GALNT13: variants seen among roughly 807,000 people sequenced by gnomAD.
GALNT13 encodes UDP-GalNAc:polypeptide N-acetylgalactosaminyltransferase 13.
Under a neutral mutation model 64.2 loss-of-function variants are expected in GALNT13, and 28 were observed. That is an observed-to-expected ratio of 0.44 (90% CI 0.32 to 0.60). GALNT13 has a LOEUF of 0.60. GALNT13 is among the 20% of genes least tolerant of loss of function. The pLI, the probability that GALNT13 is intolerant of heterozygous loss-of-function variation, is 0.05. For missense variants in GALNT13, 577 were observed against 669.8 expected (o/e 0.86, Z 1.53); for synonymous variants, 214 against 224.6 (o/e 0.95, Z 0.42).
intron 4 of GALNT13, among the ~76,000 whole-genome samples, chr2:154,165,213 G>A (rs1486077440): frequency 6.6e-6 from 1 of 152,084 alleles, no homozygotes; most frequent in Non-Finnish European, 1.5e-5. Flanking sequence ...TCTAACAGGG[G>A]TCAATTAGAA....
At chr2:154,287,221 G>C in intron 8 of GALNT13, 1 of 1,257,158 alleles carries the variant, frequency 8.0e-7, no homozygotes, top group Non-Finnish European at 1.1e-6. Flanking sequence ...AAAAGGCTGA[G>C]CATCAGAAGA....
At chr2:153,209,630 T>A in the GALNT13 span, among the ~76,000 whole-genome samples, 1 of 152,178 alleles carries the variant, frequency 6.6e-6, no homozygotes, top group Non-Finnish European at 1.5e-5. Context: ...TTATTAAAAA[T>A]TATTTTATGT....
At chr2:154,398,065 C>T (rs1699137470) in intron 10 of GALNT13, among the ~76,000 whole-genome samples, 1 of 152,160 alleles carries the variant, frequency 6.6e-6, no homozygotes, top group African/African-American at 2.4e-5. Context: ...TTAGTTATTA[C>T]AAATCACTGA....
the GALNT13 span, among the ~76,000 whole-genome samples, chr2:153,502,358 G>A: frequency 6.1e-3 from 934 of 152,286 alleles, 10 homozygotes; most frequent in African/African-American, 0.021. Context: ...CCATTCACAA[G>A]TTACTTCACT....
the GALNT13 span, among the ~76,000 whole-genome samples, chr2:153,131,264 G>A: frequency 2.6e-5 from 4 of 152,158 alleles, no homozygotes; most frequent in East Asian, 7.7e-4. Context: ...AGTACCCTTT[G>A]GACAAGATAC....
At chr2:153,399,832 A>G in the GALNT13 span, among the ~76,000 whole-genome samples, 11 of 151,896 alleles carry the variant, frequency 7.2e-5, no homozygotes, top group South Asian at 2.1e-4. Flanking sequence ...GGGCTGAGAC[A>G]ATGGGGTTTT....
At chr2:153,793,428 G>A in the GALNT13 span, among the ~76,000 whole-genome samples, 5 of 152,008 alleles carry the variant, frequency 3.3e-5, no homozygotes, top group African/African-American at 7.2e-5. Context: ...TTTAAAATCT[G>A]AGCACAATAT....
chr2:154,301,212 A>T (rs10490531), intron 8 of GALNT13, among the ~76,000 whole-genome samples, 197 bp from the exon 9 acceptor site: 1 of 152,152 alleles, frequency 6.6e-6, no homozygotes, highest in Non-Finnish European at 1.5e-5. Context: ...CATAATTCCA[A>T]TGCTACAAGT....
At chr2:153,124,512 G>C in the GALNT13 span, among the ~76,000 whole-genome samples, 1 of 152,112 alleles carries the variant, frequency 6.6e-6, no homozygotes, top group Non-Finnish European at 1.5e-5. Flanking sequence ...TTGTTTGTTT[G>C]TTTGTTTGTT....
At chr2:153,208,965 G>A in the GALNT13 span, among the ~76,000 whole-genome samples, 1 of 84,526 alleles carries the variant, frequency 1.2e-5, no homozygotes, top group South Asian at 3.3e-4. Context: ...ATGCATTTTG[G>A]TTTTGGTCTT....
At chr2:154,356,836 T>A (rs908885700) in intron 9 of GALNT13, among the ~76,000 whole-genome samples, 5 of 152,024 alleles carry the variant, frequency 3.3e-5, no homozygotes, top group Non-Finnish European at 5.9e-5. Flanking sequence ...AAATAAATAC[T>A]TTGCTGTTAG....
intron 3 of GALNT13, among the ~76,000 whole-genome samples, chr2:154,012,049 G>A (rs1429126331): frequency 1.3e-5 from 2 of 152,016 alleles, no homozygotes; most frequent in African/African-American, 4.8e-5. Flanking sequence ...TTTAATTGGG[G>A]CATTTACCCA....
chr2:154,113,549 C>T (rs1703106684), intron 3 of GALNT13, among the ~76,000 whole-genome samples: 1 of 152,184 alleles, frequency 6.6e-6, no homozygotes, highest in Non-Finnish European at 1.5e-5. Context: ...TCTCAACAGG[C>T]CCCACACCAC....
At chr2:154,399,486 C>G (rs1699202071) in intron 10 of GALNT13, among the ~76,000 whole-genome samples, 1 of 152,082 alleles carries the variant, frequency 6.6e-6, no homozygotes, top group Non-Finnish European at 1.5e-5. Context: ...TATATCCTCA[C>G]ATGGACAAAG....
chr2:154,333,833 A>G (rs1050220922), intron 9 of GALNT13, among the ~76,000 whole-genome samples: 1 of 152,092 alleles, frequency 6.6e-6, no homozygotes, highest in African/African-American at 2.4e-5. Context: ...TAGTTCTACT[A>G]AATCTGCAAG....
At chr2:153,400,576 G>C in the GALNT13 span, among the ~76,000 whole-genome samples, 1 of 152,074 alleles carries the variant, frequency 6.6e-6, no homozygotes, top group Non-Finnish European at 1.5e-5. Flanking sequence ...TGGTTGGTAA[G>C]CTATTGATTA....
In GALNT13 at chr2:154,131,841, G is replaced by A. The variant is rs570842728; in HGVS notation, c.143-8496G>A. 3.3e-5 allele frequency among the ~76,000 whole-genome samples: 5 copies of A among 152,298 alleles called. No individual in the cohort carries two copies. The East Asian group carries it at 9.6e-4, about 29-fold the overall frequency. The stretch of plus-strand genomic sequence containing the variant: ...TCCAAGTCCCAAAACCTCAAAAGTA[G>A]GGAAGCCAACAGTGCAGCCTTCAGT... On this transcript the variant is annotated intron_variant, in intron 3 of 12. Coordinates refer to ENST00000392825, the MANE Select transcript of GALNT13 (RefSeq NM_052917.4).
At chr2:154,356,404 G>GA (rs1394509946) in intron 9 of GALNT13, among the ~76,000 whole-genome samples, 1 of 151,904 alleles carries the variant, frequency 6.6e-6, no homozygotes, top group African/African-American at 2.4e-5. Flanking sequence ...TAGACACATG[G>GA]AAAAAAGTGC....
At chr2:153,126,406 C>T in the GALNT13 span, among the ~76,000 whole-genome samples, 4 of 145,418 alleles carry the variant, frequency 2.8e-5, no homozygotes, top group Non-Finnish European at 4.5e-5. Flanking sequence ...TAATAAAGAA[C>T]GAATAAACAA....
Sources: allele counts gnomAD v4.1 joint callset (sites outside exome capture counted in the v4.1 genomes callset), GRCh38; gene constraint gnomAD v4.1.1; transcripts MANE v1.5; gene names NCBI Gene and HGNC (gene_info 2026-07-23, HGNC 2026-07-21).